TACR3: variants seen among roughly 807,000 people sequenced by gnomAD.
TACR3 encodes tachykinin receptor 3, also known as neuromedin-K receptor.
Under a neutral mutation model 35.0 loss-of-function variants are expected in TACR3, and 34 were observed. The ratio of observed to expected loss-of-function variants is 0.97; its 90% CI spans 0.74 to 1.30. The LOEUF (loss-of-function observed/expected upper bound fraction) is 1.30, where lower values mean the gene tolerates loss of function less well. Ranked by LOEUF, TACR3 falls within the 50% of genes most tolerant of loss-of-function variation. The pLI is 0.00. For synonymous variants in TACR3, 233 were observed against 221.1 expected (o/e 1.05, Z -0.48); for missense variants, 558 against 591.7 (o/e 0.94, Z 0.59).
chr4:103,661,755 C>G (rs918129693), intron 1 of TACR3, among the ~76,000 whole-genome samples: 1 of 152,068 alleles, frequency 6.6e-6, no homozygotes, highest in Non-Finnish European at 1.5e-5. Context: ...AGTTTATGTT[C>G]TCATGAACAT....
intron 1 of TACR3, among the ~76,000 whole-genome samples, chr4:103,659,176 C>T (rs1290563392): frequency 6.6e-6 from 1 of 152,204 alleles, no homozygotes; most frequent in East Asian, 1.9e-4. Context: ...CACTCACTTC[C>T]TGCTGTGCAG....
intron 1 of TACR3, among the ~76,000 whole-genome samples, chr4:103,694,322 T>C (rs1284015939): frequency 3.4e-5 from 5 of 149,210 alleles, no homozygotes; most frequent in African/African-American, 1.3e-4. Context: ...ACACCAAGCA[T>C]GGAGACCCAG....
chr4:103,636,500 T>C (rs916594824), intron 3 of TACR3, among the ~76,000 whole-genome samples: 1 of 152,018 alleles, frequency 6.6e-6, no homozygotes, highest in African/African-American at 2.4e-5. Context: ...GCCTTTTATC[T>C]CATAATACGT....
At chr4:103,649,262 CT>C (rs1275700829) in intron 3 of TACR3, among the ~76,000 whole-genome samples, 1 of 151,986 alleles carries the variant, frequency 6.6e-6, no homozygotes, top group Non-Finnish European at 1.5e-5. Context: ...TGATTGCTTC[CT>C]TTGCTGCACA....
At chr4:103,600,742 T>C (rs1368170918) in intron 3 of TACR3, among the ~76,000 whole-genome samples, 1 of 152,224 alleles carries the variant, frequency 6.6e-6, no homozygotes, top group Non-Finnish European at 1.5e-5. Flanking sequence ...AGGAGCCGGT[T>C]GTTCATTTTC....
At chr4:103,687,934 C>T (rs998962349) in intron 1 of TACR3, among the ~76,000 whole-genome samples, 47 of 152,160 alleles carry the variant, frequency 3.1e-4, no homozygotes, top group African/African-American at 1.0e-3. Context: ...GAGCCCGCAT[C>T]GCCAAGTCAG....
chr4:103,593,152 C>G (rs531218396), intron 3 of TACR3: 2 of 152,174 alleles, frequency 1.3e-5, no homozygotes, highest in Middle Eastern at 3.4e-3. Flanking sequence ...TACATTTATG[C>G]AATATTTTAC....
At chr4:103,667,288 A>C (rs1725956273) in intron 1 of TACR3, among the ~76,000 whole-genome samples, 1 of 152,014 alleles carries the variant, frequency 6.6e-6, no homozygotes, top group Non-Finnish European at 1.5e-5. Flanking sequence ...AAAAACAAAA[A>C]AACTTTGAGC....
At chr4:103,698,432 G>T (rs1012881968) in intron 1 of TACR3, among the ~76,000 whole-genome samples, 1 of 149,386 alleles carries the variant, frequency 6.7e-6, no homozygotes, top group East Asian at 1.9e-4. Context: ...TCCATTGATG[G>T]TTCACCTTAA....
At chr4:103,622,692 G>A (rs1403747020) in intron 3 of TACR3, among the ~76,000 whole-genome samples, 3 of 152,132 alleles carry the variant, frequency 2.0e-5, no homozygotes, top group African/African-American at 7.2e-5. Context: ...GGCTTGATGA[G>A]GTGTTCAGAG....
At chr4:103,716,542 C>A (rs923956192) in intron 1 of TACR3, among the ~76,000 whole-genome samples, 2 of 151,958 alleles carry the variant, frequency 1.3e-5, no homozygotes, top group African/African-American at 4.8e-5. Flanking sequence ...AACTCAATGC[C>A]TTTTATTATA....
intron 1 of TACR3, among the ~76,000 whole-genome samples, chr4:103,713,112 A>T (rs1723006701): frequency 6.6e-6 from 1 of 152,174 alleles, no homozygotes; most frequent in Non-Finnish European, 1.5e-5. Flanking sequence ...TGACCCAGCC[A>T]TCCCATTACT....
chr4:103,673,605 TAATAAA>T (rs1458920110), intron 1 of TACR3, among the ~76,000 whole-genome samples: 1 of 152,018 alleles, frequency 6.6e-6, no homozygotes, highest in African/African-American at 2.4e-5. Context: ...GATATAATAA[TAATAAA>T]AAGTTAAAAA....
chr4:103,662,374 C>G (rs934216678), intron 1 of TACR3, among the ~76,000 whole-genome samples: 1 of 152,082 alleles, frequency 6.6e-6, no homozygotes, highest in African/African-American at 2.4e-5. Context: ...ATGCCCGCCA[C>G]CACGCCCGGC....
intron 3 of TACR3, among the ~76,000 whole-genome samples, chr4:103,637,249 T>G (rs183790855): frequency 6.6e-6 from 1 of 152,162 alleles, no homozygotes; most frequent in Non-Finnish European, 1.5e-5. Context: ...CATGATCAAG[T>G]GGGCTTCATC....
chr4:103,612,881 C>T (rs1375345160), intron 3 of TACR3, among the ~76,000 whole-genome samples: 1 of 152,140 alleles, frequency 6.6e-6, no homozygotes, highest in Non-Finnish European at 1.5e-5. Context: ...TGATAACCCT[C>T]TTTTAAATAA....
chr4:103,597,502 C>G (rs28790049), intron 3 of TACR3, among the ~76,000 whole-genome samples: 1 of 151,864 alleles, frequency 6.6e-6, no homozygotes, highest in Admixed American at 6.6e-5. Flanking sequence ...AAGTGCACAA[C>G]GTGCAGGTTT....
intron 4 of TACR3, among the ~76,000 whole-genome samples, chr4:103,590,592 G>GA (rs34001520): frequency 0.87 from 130,602 of 150,492 alleles, 57,014 homozygotes; most frequent in East Asian, 1. Context: ...TGCAATTAGT[G>GA]AAAAAAAAAG....
At chr4:103,665,548 G>A (rs1725918746) in intron 1 of TACR3, among the ~76,000 whole-genome samples, 1 of 151,978 alleles carries the variant, frequency 6.6e-6, no homozygotes, top group African/African-American at 2.4e-5. Context: ...CTATCTTCTG[G>A]GATTTTGTTA....
Sources: gnomAD v4.1 joint callset for allele counts (sites outside exome capture counted in the v4.1 genomes callset) on GRCh38, gnomAD v4.1.1 for gene constraint, MANE v1.5 for transcripts, NCBI Gene and HGNC (gene_info 2026-07-23, HGNC 2026-07-21) for gene names.